Variants in HYAL4 observed in about 807,000 individuals in gnomAD.
The protein encoded by HYAL4 is hyaluronidase-4.
HYAL4 carries 37 observed loss-of-function variants against 35.2 expected under a neutral mutation model. That is an observed-to-expected ratio of 1.05 (90% CI 0.81 to 1.38). The LOEUF (loss-of-function observed/expected upper bound fraction) is 1.38, where lower values mean the gene tolerates loss of function less well. Among genes scored for constraint, HYAL4 ranks in the 40% most tolerant of loss-of-function variants. HYAL4 has a pLI of 0.00. For synonymous variants in HYAL4, 198 were observed against 203.2 expected (o/e 0.97, Z 0.22); for missense variants, 572 against 572.4 (o/e 1.00, Z 0.01).
the HYAL4 span, among the ~76,000 whole-genome samples, chr7:123,804,645 C>T: frequency 6.6e-6 from 1 of 152,184 alleles, no homozygotes; most frequent in African/African-American, 2.4e-5. Context: ...CACATACATT[C>T]CATGTGTGCA....
the HYAL4 span, among the ~76,000 whole-genome samples, chr7:123,809,931 C>A: frequency 6.6e-6 from 1 of 152,170 alleles, no homozygotes; most frequent in African/African-American, 2.4e-5. Context: ...GCAGACTAAA[C>A]CCCTCAAAGT....
At position 123,838,521 on chromosome 7, in the gene HYAL4, C is replaced by T. The variant is rs113809816; in HGVS notation, c.-256-5724C>T. ...TTGTATAGTTTTTGTATGGCTTTTGCATTGGCTTTTTATAATAAATGATGT... is the reference window on the plus strand; with the variant it reads ...TTGTATAGTTTTTGTATGGCTTTTGTATTGGCTTTTTATAATAAATGATGT... On this transcript the variant is annotated intron_variant, in intron 1 of 4. Transcript: ENST00000489978. Among the ~76,000 whole-genome samples the T allele has an allele frequency of 8.2e-3, 1,237 of 151,698 alleles. 10 individuals are homozygous for T. The highest frequency in any genetic ancestry group is 0.012 in the Non-Finnish European group (795 of 67,916).
intron 2 of HYAL4, among the ~76,000 whole-genome samples, chr7:123,856,350 A>G (rs1283638853): frequency 6.6e-6 from 1 of 151,970 alleles, no homozygotes; most frequent in East Asian, 1.9e-4. Context: ...GTGATCTTTG[A>G]TGTTGGTGAC....
At chr7:123,808,834 TTCACTGTTTCC>T in the HYAL4 span, among the ~76,000 whole-genome samples, 1 of 152,208 alleles carries the variant, frequency 6.6e-6, no homozygotes, top group Non-Finnish European at 1.5e-5. Context: ...GGAGCACCTT[TTCACTGTTTCC>T]TCACATGGTG....
chr7:123,830,012 G>C (rs1244474935), intron 1 of HYAL4, among the ~76,000 whole-genome samples: 1 of 152,152 alleles, frequency 6.6e-6, no homozygotes, highest in Non-Finnish European at 1.5e-5. Context: ...GTCACAAATA[G>C]ATCCGAGGAA....
intron 1 of HYAL4, among the ~76,000 whole-genome samples, chr7:123,846,088 A>T (rs1806167645): frequency 6.6e-6 from 1 of 152,138 alleles, no homozygotes; most frequent in Non-Finnish European, 1.5e-5. Flanking sequence ...GAAGGTCCTT[A>T]GTTTTGGTTG....
chr7:123,772,685 T>C, the HYAL4 span, among the ~76,000 whole-genome samples: 1 of 152,190 alleles, frequency 6.6e-6, no homozygotes. Flanking sequence ...GTAGAAATTG[T>C]GACTTGTGGA....
At chr7:123,844,963 C>T (rs1480582701), upstream of HYAL4, 2 of 152,214 alleles carry the variant, frequency 1.3e-5, no homozygotes, top group African/African-American at 4.8e-5. Context: ...GGAAATCCCC[C>T]AATCTCTTAC....
chr7:123,840,860 T>A (rs1806045879), upstream of HYAL4, among the ~76,000 whole-genome samples: 1 of 152,036 alleles, frequency 6.6e-6, no homozygotes, highest in African/African-American at 2.4e-5. Flanking sequence ...CTTGCTGAAG[T>A]TGCTTATCAG....
the HYAL4 span, among the ~76,000 whole-genome samples, chr7:123,763,735 A>G: frequency 6.6e-6 from 1 of 152,192 alleles, no homozygotes; most frequent in South Asian, 2.1e-4. Context: ...TCACCTCTCA[A>G]TGTAAGATTT....
intron 3 of HYAL4, among the ~76,000 whole-genome samples, chr7:123,870,684 C>T (rs1357226059): frequency 2.0e-5 from 3 of 150,630 alleles, no homozygotes; most frequent in South Asian, 2.1e-4. Flanking sequence ...TGCTTGAACT[C>T]GGGAGGCAGA....
At chr7:123,824,472 T>C (rs952594325), upstream of HYAL4, among the ~76,000 whole-genome samples, 3 of 152,172 alleles carry the variant, frequency 2.0e-5, no homozygotes, top group Non-Finnish European at 4.4e-5. Context: ...TCTTTCCTGC[T>C]GAAAGCCTTT....
chr7:123,849,794 G>A (rs1276246072), intron 2 of HYAL4, among the ~76,000 whole-genome samples: 1 of 152,058 alleles, frequency 6.6e-6, no homozygotes, highest in Non-Finnish European at 1.5e-5. Context: ...TTGAACACAG[G>A]AGGCGGAGAT....
the HYAL4 span, among the ~76,000 whole-genome samples, chr7:123,767,564 A>G: frequency 6.6e-6 from 1 of 152,212 alleles, no homozygotes; most frequent in Admixed American, 6.5e-5. Context: ...GGAAAAACAA[A>G]CAAGCAAAAC....
At chr7:123,806,454 T>C in the HYAL4 span, among the ~76,000 whole-genome samples, 1 of 152,088 alleles carries the variant, frequency 6.6e-6, no homozygotes, top group Admixed American at 6.6e-5. Flanking sequence ...GCTTTCCTTT[T>C]TTTTTTGGGA....
the HYAL4 span, among the ~76,000 whole-genome samples, chr7:123,767,210 A>C: frequency 6.6e-6 from 1 of 152,296 alleles, no homozygotes; most frequent in Middle Eastern, 3.4e-3. Context: ...TTTTCTATTT[A>C]ATAACTTTAT....
the HYAL4 span, among the ~76,000 whole-genome samples, chr7:123,767,723 AT>A: frequency 6.6e-6 from 1 of 152,210 alleles, no homozygotes; most frequent in Non-Finnish European, 1.5e-5. Flanking sequence ...TACAGCTTGA[AT>A]CATGCACCTA....
At chr7:123,848,895 A>G (rs1420471778) in intron 2 of HYAL4, among the ~76,000 whole-genome samples, 1 of 152,170 alleles carries the variant, frequency 6.6e-6, no homozygotes, top group Non-Finnish European at 1.5e-5. Context: ...TTTCTTTCCA[A>G]ATATTGTTAA....
the HYAL4 span, among the ~76,000 whole-genome samples, chr7:123,766,408 G>A: frequency 2.6e-4 from 40 of 151,966 alleles, no homozygotes; most frequent in Non-Finnish European, 5.6e-4. Context: ...GAGATGTGGG[G>A]TTTACGAGTT....
Sources: gnomAD v4.1 joint callset for allele counts (sites outside exome capture counted in the v4.1 genomes callset) on GRCh38, gnomAD v4.1.1 for gene constraint, MANE v1.5 for transcripts, NCBI Gene and HGNC (gene_info 2026-07-23, HGNC 2026-07-21) for gene names.